DNAJC24: variants seen among roughly 807,000 people sequenced by gnomAD.
DNAJC24 encodes dnaJ homolog subfamily C member 24.
A neutral mutation model predicts 18.0 loss-of-function variants in DNAJC24; 17 were observed. The observed-to-expected ratio is 0.94, with a 90% CI of 0.65 to 1.42. DNAJC24 has a LOEUF of 1.42. DNAJC24 is among the 40% of genes most tolerant of loss of function. DNAJC24 has a pLI of 0.00. For missense variants in DNAJC24, 158 were observed against 175.6 expected (o/e 0.90, Z 0.57); for synonymous variants, 55 against 57.7 (o/e 0.95, Z 0.21).
chr11:31,418,448 T>G (rs1248203347), intron 3 of DNAJC24, among the ~76,000 whole-genome samples: 1 of 152,116 alleles, frequency 6.6e-6, no homozygotes, highest in Non-Finnish European at 1.5e-5. Context: ...TCAATAGCTT[T>G]GTAATGTGAA....
intron 2 of DNAJC24, among the ~76,000 whole-genome samples, chr11:31,395,107 A>C (rs1433521446): frequency 6.6e-6 from 1 of 152,034 alleles, no homozygotes; most frequent in Non-Finnish European, 1.5e-5. Context: ...GTTTAGCTCC[A>C]CCTTAATAAA....
chr11:31,427,701 A>T (rs1738113706), intron 4 of DNAJC24: 1 of 152,178 alleles, frequency 6.6e-6, no homozygotes. Context: ...TGTCTTAATA[A>T]ATTAGTTCTT....
chr11:31,373,606 T>A (rs1157535453), intron 2 of DNAJC24, among the ~76,000 whole-genome samples: 1 of 135,384 alleles, frequency 7.4e-6, no homozygotes, highest in East Asian at 1.9e-4. Flanking sequence ...CACAGAAATT[T>A]TAGAATCAGC....
At chr11:31,389,343 A>C (rs11512207) in intron 2 of DNAJC24, among the ~76,000 whole-genome samples, 43,794 of 152,040 alleles carry the variant, frequency 0.29, 6,420 homozygotes, top group African/African-American at 0.33. Context: ...AACAAACAAA[A>C]AAAGAGTAAA....
intron 3 of DNAJC24, 44 bp downstream of exon 3, chr11:31,414,993 A>T (rs1301267057): frequency 3.8e-6 from 6 of 1,597,508 alleles, no homozygotes; most frequent in African/African-American, 1.3e-5. Flanking sequence ...GGCAACTCTT[A>T]GAAGCACACT....
At chr11:31,395,672 A>T (rs952555898) in intron 2 of DNAJC24, among the ~76,000 whole-genome samples, 1 of 152,174 alleles carries the variant, frequency 6.6e-6, no homozygotes, top group East Asian at 1.9e-4. Flanking sequence ...CATATTTTTT[A>T]TTCATTGACT....
chr11:31,420,983 G>A (rs1952798407), intron 3 of DNAJC24, among the ~76,000 whole-genome samples: 4 of 152,110 alleles, frequency 2.6e-5, no homozygotes, highest in Non-Finnish European at 4.4e-5. Context: ...GTTTATAAAA[G>A]CTCCACAGTT....
At chr11:31,401,881 G>T (rs1443005220) in intron 2 of DNAJC24, among the ~76,000 whole-genome samples, 1 of 152,074 alleles carries the variant, frequency 6.6e-6, no homozygotes, top group Non-Finnish European at 1.5e-5. Flanking sequence ...TTAAATGCAG[G>T]ATTCCATCAT....
intron 3 of DNAJC24, 36 bp from the exon 4 acceptor site, chr11:31,426,251 G>A (rs779149744): frequency 1.5e-6 from 2 of 1,325,890 alleles, no homozygotes; most frequent in African/African-American, 1.5e-5. Context: ...AAAGTATCAT[G>A]TTTTACAATT....
rs557446367 is a variant in DNAJC24 at position 31,430,335 on chromosome 11, G to C, written c.384G>C (p.Ala128=). ...AATACAGTGTTTCCAAGGATGAAGC[G>C]GAAGAAGTTAGCCTGATTTCTTGTG... ...GGKYSVSKDE[A]EEVSLISCDT... The change falls in exon 5 of 5, where the codon GCG becomes GCC. Residue 128 remains alanine, a synonymous_variant. Transcript: ENST00000465995. 2.5e-6 allele frequency: 4 copies of C among 1,611,132 alleles called. No individual in the cohort carries two copies. Among genetic ancestry groups the C allele is most frequent in the South Asian group, 2.2e-5 (2 of 90,854 alleles).
chr11:31,421,888 C>T (rs1303263236), intron 3 of DNAJC24: 3 of 389,786 alleles, frequency 7.7e-6, no homozygotes, highest in East Asian at 1.7e-4. Context: ...CTTTACTGAA[C>T]CAAGCTGCTA....
chr11:31,389,469 C>T (rs1252832599), intron 2 of DNAJC24, among the ~76,000 whole-genome samples: 1 of 152,102 alleles, frequency 6.6e-6, no homozygotes, highest in Non-Finnish European at 1.5e-5. Context: ...ATTGTAAATA[C>T]ATATACACCA....
intron 3 of DNAJC24, chr11:31,416,769 G>C (rs1952754777): frequency 6.6e-6 from 1 of 152,098 alleles, no homozygotes; most frequent in Admixed American, 6.6e-5. Context: ...AGGAAACCAG[G>C]TTAAAAGTTA....
At chr11:31,370,384 C>T (rs1251829427) in intron 1 of DNAJC24, among the ~76,000 whole-genome samples, 2 of 152,068 alleles carry the variant, frequency 1.3e-5, no homozygotes, top group Non-Finnish European at 2.9e-5. Context: ...TGGGTGCTTA[C>T]TTGTGTGCCA....
At chr11:31,387,193 C>T (rs1047612192) in intron 2 of DNAJC24, among the ~76,000 whole-genome samples, 6 of 152,170 alleles carry the variant, frequency 3.9e-5, no homozygotes, top group African/African-American at 1.2e-4. Context: ...AAGGGAAGGA[C>T]AGAAGCCTGG....
chr11:31,425,798 TAAG>T (rs1952855236), intron 3 of DNAJC24, among the ~76,000 whole-genome samples: 1 of 152,122 alleles, frequency 6.6e-6, no homozygotes, highest in Admixed American at 6.6e-5. Flanking sequence ...CTGAAGCAGA[TAAG>T]AAGAGATAAC....
chr11:31,378,450 G>A (rs528848398), intron 2 of DNAJC24, among the ~76,000 whole-genome samples: 48 of 152,232 alleles, frequency 3.2e-4, no homozygotes, highest in African/African-American at 9.6e-4. Flanking sequence ...GTAGCACTGC[G>A]TATCAGATAC....
intron 2 of DNAJC24, among the ~76,000 whole-genome samples, chr11:31,405,485 T>C (rs1462250360): frequency 6.6e-6 from 1 of 152,058 alleles, no homozygotes; most frequent in Non-Finnish European, 1.5e-5. Flanking sequence ...CTAGCTAATC[T>C]TTTTATTTAT....
intron 2 of DNAJC24, among the ~76,000 whole-genome samples, chr11:31,391,706 A>T (rs917904514): frequency 3.3e-5 from 5 of 152,232 alleles, no homozygotes; most frequent in African/African-American, 1.2e-4. Flanking sequence ...GTTCCTCAAA[A>T]AACTTAAAGT....
Sources: gnomAD v4.1 joint callset for allele counts (sites outside exome capture counted in the v4.1 genomes callset) on GRCh38, gnomAD v4.1.1 for gene constraint, MANE v1.5 for transcripts, NCBI Gene and HGNC (gene_info 2026-07-23, HGNC 2026-07-21) for gene names.